The following POT1 variants were observed in gnomAD, a reference collection of about 807,000 sequenced individuals.
POT1 encodes the protein protection of telomeres protein 1.
Under a neutral mutation model 78.5 loss-of-function variants are expected in POT1, and 47 were observed. The observed-to-expected ratio is 0.60, with a 90% CI of 0.47 to 0.76. The LOEUF is 0.76. POT1 is among the 30% of genes least tolerant of loss of function. The pLI, the probability that POT1 is intolerant of heterozygous loss-of-function variation, is 0.00. For synonymous variants in POT1, 259 were observed against 260.7 expected (o/e 0.99, Z 0.06); for missense variants, 646 against 749.9 (o/e 0.86, Z 1.62).
chr7:124,844,276 G>A (rs1212639050), intron 12 of POT1, among the ~76,000 whole-genome samples: 1 of 151,132 alleles, frequency 6.6e-6, no homozygotes, highest in Non-Finnish European at 1.5e-5. Flanking sequence ...TTACAGGCAT[G>A]CACCACCACG....
intron 11 of POT1, among the ~76,000 whole-genome samples, chr7:124,848,027 C>T (rs1795213070): frequency 6.6e-6 from 1 of 152,074 alleles, no homozygotes; most frequent in South Asian, 2.1e-4. Context: ...TATCATGTGA[C>T]TAGGCATTAA....
At position 124,859,030 on chromosome 7, in the gene POT1, A is replaced by T. The variant is rs1795517138; in HGVS notation, c.629T>A (p.Ile210Asn). The change falls in exon 9 of 19, where the codon ATC becomes AAC. Residue 210 changes from isoleucine to asparagine, a missense_variant. Physicochemically the swap from Ile to Asn is moderately radical, Grantham distance 149. Around this residue, in one of 2 missense-constraint regions of POT1, gnomAD observed 252 missense variants for 341.4 expected, o/e 0.74. Transcript: ENST00000357628. ...DLVLEGDLSH[I>N]HRLQNLTIDI... ...TATTGTCAGATTTTGTAGCCGATGG[A>T]TGTGACTTAAATCACCTTCAAGAAC... 1 of 1,610,790 alleles carries T rather than the reference A, an allele frequency of 6.2e-7. No individual in the cohort carries two copies.
At chr7:124,874,255 A>C (rs1795935894) in intron 6 of POT1, among the ~76,000 whole-genome samples, 1 of 152,060 alleles carries the variant, frequency 6.6e-6, no homozygotes, top group African/African-American at 2.4e-5. Context: ...TTCTCATCCC[A>C]CCCACCCTAG....
chr7:124,861,752 C>A (rs957441778), intron 8 of POT1, among the ~76,000 whole-genome samples: 1 of 152,094 alleles, frequency 6.6e-6, no homozygotes, highest in Non-Finnish European at 1.5e-5. Context: ...ATGTTTAAGT[C>A]TTTAATCTAT....
chr7:124,881,161 G>C (rs565955724), intron 6 of POT1, among the ~76,000 whole-genome samples: 1 of 151,990 alleles, frequency 6.6e-6, no homozygotes, highest in East Asian at 1.9e-4. Flanking sequence ...CACAAGCCCA[G>C]ACGATGTTTA....
intron 2 of POT1, among the ~76,000 whole-genome samples, chr7:124,928,427 G>T (rs900611281): frequency 6.6e-6 from 1 of 152,150 alleles, no homozygotes; most frequent in Non-Finnish European, 1.5e-5. Context: ...CTGTTATCCC[G>T]TAAGTTCCAG....
chr7:124,836,588 A>G (rs149360945), intron 14 of POT1, among the ~76,000 whole-genome samples: 3 of 152,238 alleles, frequency 2.0e-5, no homozygotes, highest in Non-Finnish European at 4.4e-5. Context: ...TTCCTCCCCA[A>G]AAACACTATT....
intron 15 of POT1, among the ~76,000 whole-genome samples, chr7:124,833,097 A>T (rs2116436355): frequency 6.6e-6 from 1 of 152,284 alleles, no homozygotes; most frequent in Non-Finnish European, 1.5e-5. Context: ...AATTGGCTTA[A>T]TTAAAAATCA....
At chr7:124,824,796 T>G (rs1195860287) in intron 18 of POT1, among the ~76,000 whole-genome samples, 1 of 152,050 alleles carries the variant, frequency 6.6e-6, no homozygotes, top group African/African-American at 2.4e-5. Flanking sequence ...AATCAAATGT[T>G]TATGCAGAAA....
chr7:124,840,061 T>G (rs1338073709), intron 14 of POT1, among the ~76,000 whole-genome samples: 2 of 151,908 alleles, frequency 1.3e-5, no homozygotes, highest in Non-Finnish European at 2.9e-5. Flanking sequence ...GTACAGAGAT[T>G]TTCCGTATCC....
intron 11 of POT1, among the ~76,000 whole-genome samples, chr7:124,850,907 A>G (rs915258669): frequency 4.3e-5 from 3 of 69,460 alleles, no homozygotes; most frequent in Non-Finnish European, 6.3e-5. Flanking sequence ...GTTAGGTAGA[A>G]AAAAAAAAAA....
intron 8 of POT1, 106 bp downstream of exon 8, chr7:124,863,244 G>T: frequency 1.8e-6 from 2 of 1,118,170 alleles, no homozygotes; most frequent in Non-Finnish European, 2.6e-6. Context: ...TAAGTTCCTA[G>T]TATAATACAC....
chr7:124,850,075 AAG>A (rs58076726), intron 11 of POT1, among the ~76,000 whole-genome samples: 42,189 of 151,990 alleles, frequency 0.28, 5,968 homozygotes, highest in East Asian at 0.3. Flanking sequence ...TAAAAGGAAA[AAG>A]AGATTTAAAA....
chr7:124,900,582 G>A (rs1172334745), intron 3 of POT1, among the ~76,000 whole-genome samples: 1 of 152,046 alleles, frequency 6.6e-6, no homozygotes, highest in East Asian at 1.9e-4. Context: ...CTCCCAGTGT[G>A]AGCCACGCAG....
intron 7 of POT1, among the ~76,000 whole-genome samples, chr7:124,870,381 T>C (rs1795838311): frequency 6.6e-6 from 1 of 152,130 alleles, no homozygotes; most frequent in Admixed American, 6.5e-5. Flanking sequence ...TTACATTTAG[T>C]TATTTAACTA....
At chr7:124,904,063 C>G (rs1341223654) in intron 3 of POT1, among the ~76,000 whole-genome samples, 2 of 152,104 alleles carry the variant, frequency 1.3e-5, no homozygotes, top group Non-Finnish European at 2.9e-5. Context: ...CCAGACAGAT[C>G]CACAGCTGAA....
chr7:124,839,291 C>T (rs78573581), intron 14 of POT1, among the ~76,000 whole-genome samples: 2 of 152,254 alleles, frequency 1.3e-5, no homozygotes, highest in South Asian at 2.1e-4. Context: ...TTAAGTGATA[C>T]TGTTTTATAT....
chr7:124,822,887 C>T lies in POT1; in HGVS notation c.*1075G>A, dbSNP rs763417070. 23 of 180,296 alleles carry T rather than the reference C, an allele frequency of 1.3e-4. No homozygotes were observed. The highest frequency in any genetic ancestry group is 2.4e-4 in the Non-Finnish European group (20 of 81,970). 11.2% of individuals were successfully genotyped at this position (180,296 alleles called of 1,614,324 possible). ...GAAACTATAGAAAAACACACTGACT[C>T]CTCTTATAATCTATTTCCAATGTTA... On this transcript the variant is annotated 3_prime_UTR_variant, in exon 19 of 19. Transcript: ENST00000357628.
chr7:124,829,059 C>T (rs1276925644), intron 16 of POT1, 195 bp downstream of exon 16: 4 of 756,454 alleles, frequency 5.3e-6, no homozygotes, highest in Admixed American at 5.1e-5. Context: ...TGTGACGGTG[C>T]CTGCTTGAAG....
Sources: allele counts gnomAD v4.1 joint callset (sites outside exome capture counted in the v4.1 genomes callset), GRCh38; gene constraint gnomAD v4.1.1; regional missense constraint gnomAD v4.1.1; transcripts MANE v1.5; gene names NCBI Gene and HGNC (gene_info 2026-07-23, HGNC 2026-07-21).